The following RYR2 variants were observed in gnomAD, a reference collection of about 807,000 sequenced individuals.
RYR2 encodes ryanodine receptor 2.
In RYR2, 227 loss-of-function variants were observed where a neutral mutation model predicts 601.1. The observed-to-expected ratio is 0.38, with a 90% confidence interval of 0.34 to 0.42. The LOEUF (loss-of-function observed/expected upper bound fraction) is 0.42. RYR2 is among the 10% of genes least tolerant of loss of function. The probability of loss-of-function intolerance (pLI) is 1.00; values close to 1 mark genes in which losing one functional copy is unlikely to be tolerated. For missense variants in RYR2, 4,646 were observed against 6,156.5 expected, an observed-to-expected ratio of 0.75 and a Z score of 8.21; for synonymous variants, 2,223 against 2,175.1, an observed-to-expected ratio of 1.02 and a Z score of -0.61.
At chr1:237,321,076 A>G (rs1695587291) in intron 2 of RYR2, among the ~76,000 whole-genome samples, 1 of 151,906 alleles carries the variant, frequency 6.6e-6, no homozygotes, top group African/African-American at 2.4e-5. Context: ...GTCTGGTATG[A>G]GTTTTAGGCT....
chr1:237,154,419 C>T (rs1675081875), intron 1 of RYR2, among the ~76,000 whole-genome samples: 1 of 152,178 alleles, frequency 6.6e-6, no homozygotes, highest in South Asian at 2.1e-4. Context: ...CCTTGCAAGG[C>T]TTGAAGGACT....
intron 1 of RYR2, among the ~76,000 whole-genome samples, chr1:237,127,447 G>T (rs1671585057): frequency 1.3e-5 from 2 of 150,960 alleles, no homozygotes; most frequent in South Asian, 4.2e-4. Context: ...GAAGGGGGCG[G>T]CTGGCCGGGC....
intron 1 of RYR2, among the ~76,000 whole-genome samples, chr1:237,156,897 A>G (rs1259529269): frequency 2.0e-5 from 3 of 152,220 alleles, no homozygotes; most frequent in Non-Finnish European, 2.9e-5. Flanking sequence ...AGATGCTGGC[A>G]AGGAGGCAGA....
chr1:237,706,106 G>A (rs985057053), intron 67 of RYR2, among the ~76,000 whole-genome samples: 1 of 152,074 alleles, frequency 6.6e-6, no homozygotes, highest in African/African-American at 2.4e-5. Flanking sequence ...AAAATTAGCC[G>A]GGCGTGGTGG....
At chr1:237,653,681 C>T (rs1275290154) in intron 51 of RYR2, among the ~76,000 whole-genome samples, 2 of 152,094 alleles carry the variant, frequency 1.3e-5, no homozygotes, top group Non-Finnish European at 2.9e-5. Context: ...CACAATAGGC[C>T]GTCTGCAAGC....
At chr1:237,474,268 TAC>T (rs767279068) in intron 17 of RYR2, among the ~76,000 whole-genome samples, 21 of 77,524 alleles carry the variant, frequency 2.7e-4, no homozygotes, top group Admixed American at 1.7e-3. Flanking sequence ...TATAGATACC[TAC>T]ACACACACAC....
chr1:237,430,625 A>C (rs1415378890), intron 12 of RYR2, among the ~76,000 whole-genome samples: 2 of 152,202 alleles, frequency 1.3e-5, no homozygotes, highest in Non-Finnish European at 2.9e-5. Context: ...GGCTATTACA[A>C]TAGTCATATT....
At chr1:237,547,385 C>T (rs1244706328) in intron 25 of RYR2, among the ~76,000 whole-genome samples, 1 of 152,022 alleles carries the variant, frequency 6.6e-6, no homozygotes, top group Non-Finnish European at 1.5e-5. Flanking sequence ...ACCTAGTGAA[C>T]GTTCTTGAGT....
intron 52 of RYR2, among the ~76,000 whole-genome samples, chr1:237,654,668 A>G (rs1465648012): frequency 1.3e-5 from 2 of 152,218 alleles, no homozygotes; most frequent in Admixed American, 6.5e-5. Flanking sequence ...TCAGGAAATT[A>G]TGCACAAGGT....
At chr1:237,284,416 G>A (rs1198922985) in intron 2 of RYR2, among the ~76,000 whole-genome samples, 3 of 148,094 alleles carry the variant, frequency 2.0e-5, no homozygotes, top group Non-Finnish European at 4.5e-5. Flanking sequence ...TCTCATCCAG[G>A]TCACTGCAAA....
intron 1 of RYR2, among the ~76,000 whole-genome samples, chr1:237,170,930 C>T (rs57674757): frequency 0.087 from 13,225 of 152,106 alleles, 654 homozygotes; most frequent in East Asian, 0.14. Flanking sequence ...GTTCTAGTTC[C>T]TGGAGGTTCC....
intron 2 of RYR2, among the ~76,000 whole-genome samples, chr1:237,304,003 T>C (rs1429927797): frequency 6.6e-6 from 1 of 152,204 alleles, no homozygotes; most frequent in Non-Finnish European, 1.5e-5. Flanking sequence ...AGGGAAATCT[T>C]GACTTAGTAG....
At chr1:237,725,555 T>G (rs2819774) in intron 74 of RYR2, among the ~76,000 whole-genome samples, 6 of 151,896 alleles carry the variant, frequency 4.0e-5, no homozygotes, top group Non-Finnish European at 7.4e-5. Flanking sequence ...GTTATCTCCA[T>G]TGAATTTTCT....
intron 23 of RYR2, 133 bp from the exon 24 acceptor site, chr1:237,511,555 G>A (rs1665902063): frequency 6.2e-6 from 4 of 645,274 alleles, no homozygotes; most frequent in Non-Finnish European, 1.1e-5. Context: ...AGGTTGTGGG[G>A]GCAGCTTTGC....
At chr1:237,101,083 C>A (rs1174346385) in intron 1 of RYR2, among the ~76,000 whole-genome samples, 1 of 152,116 alleles carries the variant, frequency 6.6e-6, no homozygotes, top group East Asian at 1.9e-4. Context: ...GCTTCCCTTT[C>A]AGTCTGGCCC....
At chr1:237,093,006 C>T (rs192643373) in intron 1 of RYR2, among the ~76,000 whole-genome samples, 4 of 152,168 alleles carry the variant, frequency 2.6e-5, no homozygotes, top group Non-Finnish European at 5.9e-5. Flanking sequence ...AGTGCTGTCC[C>T]GTAGAACTCC....
intron 1 of RYR2, among the ~76,000 whole-genome samples, chr1:237,061,078 A>G (rs1238780325): frequency 6.6e-6 from 1 of 152,164 alleles, no homozygotes; most frequent in Non-Finnish European, 1.5e-5. Flanking sequence ...TTTCATTGTG[A>G]CTTTAATTTT....
intron 26 of RYR2, among the ~76,000 whole-genome samples, chr1:237,549,823 C>T (rs1670201094): frequency 6.6e-6 from 1 of 151,978 alleles, no homozygotes; most frequent in Admixed American, 6.6e-5. Context: ...CATTGCCCTA[C>T]ACACTTGTAG....
chr1:237,530,278 T>A (rs776795049), intron 24 of RYR2, 149 bp from the exon 25 acceptor site: 12 of 559,152 alleles, frequency 2.1e-5, no homozygotes, highest in Non-Finnish European at 3.2e-5. Flanking sequence ...GCCACTGCAC[T>A]CCAGCCTGGG....
Sources: gnomAD v4.1 joint callset for allele counts (sites outside exome capture counted in the v4.1 genomes callset) on GRCh38, gnomAD v4.1.1 for gene constraint, MANE v1.5 for transcripts, NCBI Gene and HGNC (gene_info 2026-07-23, HGNC 2026-07-21) for gene names.